The following ACAD10 variants were observed in gnomAD, a reference collection of about 807,000 sequenced individuals.
ACAD10 encodes the protein acyl-CoA dehydrogenase family member 10.
ACAD10 carries 112 observed loss-of-function variants against 116.8 expected under a neutral mutation model. The ratio of observed to expected loss-of-function variants is 0.96; its 90% CI spans 0.82 to 1.12. The LOEUF is 1.12. ACAD10 is among the 50% of genes most tolerant of loss of function. The pLI is 0.00. For synonymous variants in ACAD10, 486 were observed against 510.6 expected, an observed-to-expected ratio of 0.95 and a Z score of 0.65; for missense variants, 1,259 against 1,350.2, an observed-to-expected ratio of 0.93 and a Z score of 1.06.
chr12:111,740,569 C>T (rs1327036370), intron 12 of ACAD10, among the ~76,000 whole-genome samples: 1 of 150,846 alleles, frequency 6.6e-6, no homozygotes, highest in African/African-American at 2.4e-5. Flanking sequence ...ACCATCCTGG[C>T]CAACATGATG....
At chr12:111,716,229 G>A (rs1888844308) in intron 7 of ACAD10, among the ~76,000 whole-genome samples, 1 of 151,850 alleles carries the variant, frequency 6.6e-6, no homozygotes, top group South Asian at 2.1e-4. Context: ...AAAAAAGCCT[G>A]GGTGTGCTGG....
In ACAD10 at chr12:111,721,575, AAAAC is replaced by A. The variant is rs879064218; in HGVS notation, c.993-80_993-77del. On this transcript the variant is annotated intron_variant, in intron 7 of 20. Coordinates refer to ENST00000313698, the MANE Select transcript of ACAD10 (RefSeq NM_025247.6). ...AGAGCGAGACTGTGTCTCAAAAAAC[AAAAC>A]AAACAAACAAACAAAAAACAAAGAA... The A allele has an allele frequency of 2.1e-4, 261 of 1,251,578 alleles. 2 individuals carry two copies. Among genetic ancestry groups the A allele is most frequent in the South Asian group, 1.4e-3 (104 of 74,840 alleles). 77.5% of individuals were successfully genotyped at this position (1,251,578 alleles called of 1,614,324 possible).
Position 111,736,709 on chromosome 12 carries a change from A to G in ACAD10, c.1541-122A>G, listed in dbSNP as rs1593046264. On this transcript the variant is annotated intron_variant, in intron 11 of 20. Transcript: ENST00000313698. Reference sequence around the variant, plus strand: ...AGCCAATGCAGGAATAAGCTAACCCATGGAACTGGTCGTGAAACTAATTTG... The same window carrying G: ...AGCCAATGCAGGAATAAGCTAACCCGTGGAACTGGTCGTGAAACTAATTTG... 6 of 954,492 alleles carry G rather than the reference A, an allele frequency of 6.3e-6. No individual in the cohort carries two copies. The East Asian group carries it at 8.0e-5, about 13-fold the overall frequency. 59.1% of individuals were successfully genotyped at this position (954,492 alleles called of 1,614,324 possible). A position where few individuals can be genotyped will look rare whatever the true frequency, so the allele number is the denominator to read the frequency against.
At chr12:111,738,548 A>G (rs566685947) in intron 12 of ACAD10, among the ~76,000 whole-genome samples, 1 of 151,778 alleles carries the variant, frequency 6.6e-6, no homozygotes, top group Non-Finnish European at 1.5e-5. Flanking sequence ...GCTGAAATGG[A>G]TGAAACACAT....
chr12:111,722,703 C>T (rs1404004483), intron 8 of ACAD10, among the ~76,000 whole-genome samples: 3 of 152,140 alleles, frequency 2.0e-5, no homozygotes, highest in Non-Finnish European at 2.9e-5. Context: ...GGGTTGGGGG[C>T]AAGGTCACAG....
rs763084868 is a variant in ACAD10, at chr12:111,734,056, C to G, written c.1528C>G (p.Pro510Ala). Residue 510 changes from proline to alanine, a missense_variant, in exon 11 of 21, where the codon CCC becomes GCC. Physicochemically the swap from Pro to Ala is conservative, Grantham distance 27 (BLOSUM62 -1). Coordinates refer to ENST00000313698, the MANE Select transcript of ACAD10 (RefSeq NM_025247.6). Reference sequence around the variant, plus strand: ...GGCTCATTACCTGCCATCCAGTTTTCCCGTGCTGAGAGGTAGGAACTGCTG... The same window carrying G: ...GGCTCATTACCTGCCATCCAGTTTTGCCGTGCTGAGAGGTAGGAACTGCTG... ...CLAHYLPSSF[P>A]VLRGINDCDL... 1 of 1,614,186 alleles carries G rather than the reference C, an allele frequency of 6.2e-7. No homozygotes were observed. The highest frequency in any genetic ancestry group is 1.1e-5 in the South Asian group (1 of 91,086).
chr12:111,731,379 T>G (rs1889380594), intron 10 of ACAD10, among the ~76,000 whole-genome samples: 1 of 152,236 alleles, frequency 6.6e-6, no homozygotes, highest in South Asian at 2.1e-4. Flanking sequence ...CACTTGGGAT[T>G]CTAGAGCACT....
At chr12:111,742,599 C>T (rs1247732503) in intron 12 of ACAD10, among the ~76,000 whole-genome samples, 1 of 152,098 alleles carries the variant, frequency 6.6e-6, no homozygotes, top group Non-Finnish European at 1.5e-5. Context: ...GTGGCTCATG[C>T]CTGTAATCCC....
chr12:111,753,487 G>A lies in ACAD10; in HGVS notation c.2818-285G>A, dbSNP rs550203844. ...CTGGTAGCCAGGCCTGCCCAGATGT[G>A]CAATGGCTGGAATAAAGGGTTCTTG... is the stretch of plus-strand genomic sequence containing the variant. On this transcript the variant is annotated intron_variant, in intron 18 of 20. Transcript: ENST00000313698. 3.1e-3 allele frequency: 1,939 copies of A among 634,606 alleles called. 7 individuals carry two copies. The highest frequency in any genetic ancestry group is 0.011 in the Middle Eastern group (46 of 4,058). The allele number at this position is 634,606 out of a possible 1,614,324, so 39.3% of individuals were successfully genotyped here.
At chr12:111,702,719 G>C (rs894241293) in intron 3 of ACAD10, among the ~76,000 whole-genome samples, 1 of 151,940 alleles carries the variant, frequency 6.6e-6, no homozygotes, top group East Asian at 1.9e-4. Context: ...CAACAAGAGC[G>C]AAACTGTCTC....
intron 10 of ACAD10, 97 bp from the exon 11 acceptor site, chr12:111,733,826 G>A: frequency 2.0e-6 from 3 of 1,493,466 alleles, no homozygotes; most frequent in Non-Finnish European, 2.8e-6. Context: ...GGATGGGAGG[G>A]TGGGGAGCCA....
rs759183712 is a variant in ACAD10, at chr12:111,748,449, CG to C, written c.2620del (p.Val874CysfsTer50). On this transcript the variant is annotated frameshift_variant, in exon 17 of 21. Transcript: ENST00000313698. LOFTEE classifies it high-confidence loss of function. ...GGGATAAAAATCATCCGGCCTCTGA[CG>C]GTGTATGGACTGGAAGATGCACCAG... is the stretch of plus-strand genomic sequence containing the variant. ...TPGIKIIRPL[T>X]VYGLEDAPGG... 6.2e-7 allele frequency: 1 copy of C among 1,613,776 alleles called. No individual in the cohort carries two copies. Among genetic ancestry groups the C allele is most frequent in the Admixed American group, 1.7e-5 (1 of 60,018 alleles).
intron 12 of ACAD10, among the ~76,000 whole-genome samples, chr12:111,741,093 G>A (rs936998221): frequency 6.6e-6 from 1 of 152,136 alleles, no homozygotes; most frequent in Admixed American, 6.6e-5. Context: ...GAGAAAAACT[G>A]TCCGGAGAAA....
intron 12 of ACAD10, among the ~76,000 whole-genome samples, chr12:111,740,790 A>C (rs1179035631): frequency 6.6e-6 from 1 of 151,360 alleles, no homozygotes; most frequent in Non-Finnish European, 1.5e-5. Context: ...CTCAAAAAAA[A>C]AAAAAAAAAA....
chr12:111,703,074 ACT>A (rs1888395502), intron 3 of ACAD10, among the ~76,000 whole-genome samples: 1 of 145,070 alleles, frequency 6.9e-6, no homozygotes, highest in Admixed American at 7.1e-5. Context: ...ACGTAACAAG[ACT>A]CTGTCTCAAA....
intron 2 of ACAD10, among the ~76,000 whole-genome samples, chr12:111,696,590 C>T (rs1423823203): frequency 6.6e-6 from 1 of 152,054 alleles, no homozygotes; most frequent in African/African-American, 2.4e-5. Context: ...CAACAGGGTC[C>T]GTAATGCTTT....
chr12:111,732,836 A>G (rs1279290483), intron 10 of ACAD10, among the ~76,000 whole-genome samples: 2 of 152,262 alleles, frequency 1.3e-5, no homozygotes, highest in Non-Finnish European at 1.5e-5. Flanking sequence ...TTGCTACTCT[A>G]CAACAAACTT....
intron 12 of ACAD10, among the ~76,000 whole-genome samples, chr12:111,740,204 C>T (rs78780135): frequency 0.034 from 5,126 of 152,238 alleles, 301 homozygotes; most frequent in African/African-American, 0.12. Context: ...TGGCTCACGC[C>T]GGTAATCCTA....
chr12:111,694,101 A>C (rs1707122920), intron 2 of ACAD10, among the ~76,000 whole-genome samples: 1 of 152,146 alleles, frequency 6.6e-6, no homozygotes, highest in Non-Finnish European at 1.5e-5. Flanking sequence ...CCAGTTCTCC[A>C]TCCTAAATCA....
Sources: allele counts gnomAD v4.1 joint callset (sites outside exome capture counted in the v4.1 genomes callset), GRCh38; gene constraint gnomAD v4.1.1; transcripts MANE v1.5; gene names NCBI Gene and HGNC (gene_info 2026-07-23, HGNC 2026-07-21).